Variants in ATP11B observed in about 807,000 individuals in gnomAD.
ATP11B encodes the protein phospholipid-transporting ATPase IF.
A neutral mutation model predicts 157.8 loss-of-function variants in ATP11B; 81 were observed. The ratio of observed to expected loss-of-function variants is 0.51; its 90% CI spans 0.43 to 0.62. ATP11B has a LOEUF of 0.62. ATP11B is among the 20% of genes least tolerant of loss of function. The pLI, the probability that ATP11B is intolerant of heterozygous loss-of-function variation, is 0.00. For missense variants in ATP11B, 1,165 were observed against 1,402.2 expected (o/e 0.83, Z 2.70); for synonymous variants, 451 against 469.4 (o/e 0.96, Z 0.51).
chr3:182,881,294 C>T (rs1722407946), intron 21 of ATP11B, among the ~76,000 whole-genome samples: 1 of 152,036 alleles, frequency 6.6e-6, no homozygotes. Context: ...ATTAGCCAGG[C>T]GTGGTGGCAC....
intron 4 of ATP11B, among the ~76,000 whole-genome samples, chr3:182,831,206 C>G (rs563655032): frequency 4.3e-4 from 66 of 152,208 alleles, no homozygotes; most frequent in African/African-American, 1.5e-3. Context: ...ACTACTAGTT[C>G]TTGTTATTCT....
intron 19 of ATP11B, among the ~76,000 whole-genome samples, chr3:182,874,368 A>G (rs1284409726): frequency 1.3e-5 from 2 of 152,230 alleles, no homozygotes; most frequent in African/African-American, 4.8e-5. Flanking sequence ...ATACTCTACA[A>G]ATCACAGTGA....
At chr3:182,834,806 A>G (rs955986611) in intron 4 of ATP11B, among the ~76,000 whole-genome samples, 10 of 152,226 alleles carry the variant, frequency 6.6e-5, no homozygotes, top group Admixed American at 2.6e-4. Context: ...GATTAGGGGA[A>G]CCCCTTATGC....
chr3:182,857,980 T>C lies in ATP11B; in HGVS notation c.954T>C (p.Asp318=), dbSNP rs1421114070. The change falls in exon 11 of 30, where the codon GAT becomes GAC. Residue 318 remains aspartate (D), a synonymous_variant. Transcript: ENST00000323116. ...KYTWQAEEKW[D]EPWYNQKTEH... Reference sequence around the variant, plus strand: ...CATGGCAAGCTGAAGAAAAATGGGATGAACCTTGGTATAACCAAAAAACAG... The same window carrying C: ...CATGGCAAGCTGAAGAAAAATGGGACGAACCTTGGTATAACCAAAAAACAG... 6.2e-7 allele frequency: 1 copy of C among 1,612,870 alleles called. No homozygotes were observed. The highest frequency in any genetic ancestry group is 1.7e-5 in the Admixed American group (1 of 60,012).
intron 9 of ATP11B, among the ~76,000 whole-genome samples, chr3:182,847,949 C>T (rs998074545): frequency 7.2e-5 from 11 of 152,266 alleles, no homozygotes; most frequent in Admixed American, 2.6e-4. Flanking sequence ...ATTCAATAGG[C>T]GCACATTTTT....
At chr3:182,883,867 A>G (rs1240045834) in intron 21 of ATP11B, among the ~76,000 whole-genome samples, 1 of 147,212 alleles carries the variant, frequency 6.8e-6, no homozygotes, top group Non-Finnish European at 1.5e-5. Flanking sequence ...AGGCAGGAGA[A>G]TGGCGTGAAC....
intron 12 of ATP11B, among the ~76,000 whole-genome samples, chr3:182,863,624 A>T (rs757257129): frequency 9.2e-5 from 14 of 151,976 alleles, no homozygotes; most frequent in Non-Finnish European, 1.6e-4. Context: ...TCATTTCCAT[A>T]TTATCCAAAA....
intron 9 of ATP11B, 79 bp downstream of exon 9, chr3:182,845,601 G>T: frequency 5.7e-6 from 5 of 870,466 alleles, no homozygotes; most frequent in South Asian, 2.2e-5. Context: ...GTACAATGTG[G>T]TCTTTTGGTT....
At chr3:182,897,446 T>C (rs776521455) in intron 27 of ATP11B, 40 bp downstream of exon 27, 1 of 1,309,966 alleles carries the variant, frequency 7.6e-7, no homozygotes, top group Non-Finnish European at 1.1e-6. Context: ...TTGCTTCAAC[T>C]ATAATAAACA....
At position 182,836,364 on chromosome 3, in the gene ATP11B, C is replaced by T; in HGVS notation, c.446C>T (p.Ala149Val). The T allele has an allele frequency of 9.9e-6, 16 of 1,613,752 alleles. No homozygotes were observed. The highest frequency in any genetic ancestry group is 1.4e-5 in the Non-Finnish European group (16 of 1,179,768). ...NIRVGDIVRI[A>V]KDEIFPADLV... Reference sequence around the variant, plus strand: ...TAGGTGGGTGATATTGTTCGAATAGCCAAAGATGAAATTTTTCCTGCAGAC... The same window carrying T: ...TAGGTGGGTGATATTGTTCGAATAGTCAAAGATGAAATTTTTCCTGCAGAC... The change falls in exon 6 of 30, where the codon GCC (alanine) becomes GTC (valine). Residue 149 changes from alanine (A) to valine (V), a missense_variant. Ala to Val is a moderately conservative substitution (Grantham distance 64). Coordinates refer to ENST00000323116, the MANE Select transcript of ATP11B (RefSeq NM_014616.3).
chr3:182,917,441 A>G (rs1294935105), intron 29 of ATP11B: 1 of 985,262 alleles, frequency 1.0e-6, no homozygotes. Flanking sequence ...AACACCAGTT[A>G]ACTTTTCCAG....
Position 182,793,736 on chromosome 3 carries a change from G to C in ATP11B, c.-24G>C. ...GCCCCGCGGCCCCCGCGCCCCGCGG[G>C]ACCCGGACGGCGACGACGGGGGAAT... On this transcript the variant is annotated 5_prime_UTR_variant, in exon 1 of 30. Transcript: ENST00000323116. The C allele has an allele frequency of 7.1e-7, 1 of 1,406,112 alleles. No homozygotes were observed. The highest frequency in any genetic ancestry group is 1.4e-5 in the South Asian group (1 of 71,768). The allele number at this position is 1,406,112 out of a possible 1,614,324, so 87.1% of individuals were successfully genotyped here.
chr3:182,823,291 A>C (rs142341836), intron 2 of ATP11B, among the ~76,000 whole-genome samples: 4,213 of 152,286 alleles, frequency 0.028, 82 homozygotes, highest in Middle Eastern at 0.054. Flanking sequence ...TAATTTTTGT[A>C]TAAGGTGTAA....
At chr3:182,904,173 A>T (rs1724166269) in intron 28 of ATP11B, among the ~76,000 whole-genome samples, 1 of 152,064 alleles carries the variant, frequency 6.6e-6, no homozygotes, top group African/African-American at 2.4e-5. Flanking sequence ...AGTTGGTGCT[A>T]CTCCCAGTGG....
intron 21 of ATP11B, among the ~76,000 whole-genome samples, chr3:182,883,326 C>T (rs1446861331): frequency 2.0e-5 from 3 of 151,502 alleles, no homozygotes; most frequent in South Asian, 2.1e-4. Context: ...GGCTCAATCT[C>T]GGCTCACGGC....
At chr3:182,898,814 G>T (rs761199985) in intron 28 of ATP11B, 42 bp downstream of exon 28, 3 of 1,306,790 alleles carry the variant, frequency 2.3e-6, no homozygotes, top group South Asian at 2.2e-5. Context: ...TTTTAGTTAG[G>T]GATCTTTAAT....
chr3:182,831,575 C>CT (rs1718143547), intron 4 of ATP11B, among the ~76,000 whole-genome samples: 1 of 86,544 alleles, frequency 1.2e-5, no homozygotes, highest in African/African-American at 3.0e-5. Context: ...CATTTCCTAC[C>CT]ATTTTTTTTT....
In ATP11B at chr3:182,918,203, A is replaced by G. The variant is rs2108601372; in HGVS notation, c.*99A>G. ...CACACTAGCTCTGAAATTAATTTCCAAAATCTTTGTAGTAGTTCATACCCA... is the reference window on the plus strand; with the variant it reads ...CACACTAGCTCTGAAATTAATTTCCGAAATCTTTGTAGTAGTTCATACCCA... On this transcript the variant is annotated 3_prime_UTR_variant, in exon 30 of 30. Coordinates refer to ENST00000323116, the MANE Select transcript of ATP11B (RefSeq NM_014616.3). 1 of 1,540,706 alleles carries G rather than the reference A, an allele frequency of 6.5e-7. No individual in the cohort carries two copies. Among genetic ancestry groups the G allele is most frequent in the Non-Finnish European group, 8.8e-7 (1 of 1,139,122 alleles).
At chr3:182,799,084 G>T (rs1715810855) in intron 1 of ATP11B, among the ~76,000 whole-genome samples, 1 of 152,124 alleles carries the variant, frequency 6.6e-6, no homozygotes, top group Non-Finnish European at 1.5e-5. Flanking sequence ...CTTTTTTTCT[G>T]TGAGTTTTCT....
Sources: gnomAD v4.1 joint callset for allele counts (sites outside exome capture counted in the v4.1 genomes callset) on GRCh38, gnomAD v4.1.1 for gene constraint, MANE v1.5 for transcripts, NCBI Gene and HGNC (gene_info 2026-07-23, HGNC 2026-07-21) for gene names.